The following RGL1 variants were observed in gnomAD, a reference collection of about 807,000 sequenced individuals.
The protein encoded by RGL1 is ral guanine nucleotide dissociation stimulator-like 1.
A neutral mutation model predicts 95.2 loss-of-function variants in RGL1; 24 were observed. That is an observed-to-expected ratio of 0.25 (90% CI 0.18 to 0.35). RGL1 has a LOEUF of 0.35. RGL1 is among the 10% of genes least tolerant of loss of function. The probability of loss-of-function intolerance (pLI) is 1.00; values close to 1 mark genes in which losing one functional copy is unlikely to be tolerated. For missense variants in RGL1, 715 were observed against 936.3 expected (o/e 0.76, Z 3.08); for synonymous variants, 329 against 344.9 (o/e 0.95, Z 0.51).
chr1:183,849,482 A>ATTTTTTTT (rs150367802), intron 3 of RGL1, among the ~76,000 whole-genome samples: 1 of 99,360 alleles, frequency 1.0e-5, no homozygotes, highest in African/African-American at 3.8e-5. Flanking sequence ...TCCAGTTTTT[A>ATTTTTTTT]GTTTTTTTTT....
At chr1:183,809,713 G>C (rs751048123) in intron 2 of RGL1, among the ~76,000 whole-genome samples, 1 of 152,142 alleles carries the variant, frequency 6.6e-6, no homozygotes, top group South Asian at 2.1e-4. Flanking sequence ...GAGAGGCCAA[G>C]GCAGGCTAAT....
At chr1:183,668,607 G>T (rs531948085) in intron 1 of RGL1, among the ~76,000 whole-genome samples, 19 of 152,086 alleles carry the variant, frequency 1.2e-4, no homozygotes, top group Admixed American at 9.2e-4. Flanking sequence ...ACCACACCTG[G>T]CTGCGATTTT....
In RGL1 at chr1:183,806,356, T is replaced by C; in HGVS notation, c.28-19T>C. 6.3e-7 allele frequency: 1 copy of C among 1,596,570 alleles called. No homozygotes were observed. Among genetic ancestry groups the C allele is most frequent in the South Asian group, 1.1e-5 (1 of 90,524 alleles). On this transcript the variant is annotated intron_variant, in intron 1 of 17. Transcript: ENST00000360851. ...GAAAAAAATACTCTTTTTCTTTCTC[T>C]TTATCCCGTCCCTGGCAGAGCTCGA...
intron 1 of RGL1, chr1:183,710,131 C>A: frequency 4.9e-6 from 1 of 204,534 alleles, no homozygotes; most frequent in Non-Finnish European, 1.0e-5. Context: ...TACATGGTCA[C>A]CCTTCTCAAT....
chr1:183,907,680 C>T (rs1668416313), intron 14 of RGL1, among the ~76,000 whole-genome samples: 1 of 152,130 alleles, frequency 6.6e-6, no homozygotes, highest in African/African-American at 2.4e-5. Flanking sequence ...GCTGTCCACC[C>T]CTCATTCTCA....
rs951817871 is a variant in RGL1 at position 183,811,965 on chromosome 1, A to G, written c.138+5480A>G. On this transcript the variant is annotated intron_variant, in intron 2 of 17. Coordinates refer to ENST00000360851, the MANE Select transcript of RGL1 (RefSeq NM_001297671.3). ...TTTACTCTTAGAAAGAAAATGAGAGAAATAAGGTAAATACTGTGCCTTTCC... is the reference window on the plus strand; with the variant it reads ...TTTACTCTTAGAAAGAAAATGAGAGGAATAAGGTAAATACTGTGCCTTTCC... 5.9e-5 allele frequency among the ~76,000 whole-genome samples: 9 copies of G among 152,190 alleles called. No homozygotes were observed. In the East Asian group the frequency reaches 9.6e-4, roughly 16 times the overall value.
At chr1:183,718,734 G>A (rs746773285) in intron 1 of RGL1, among the ~76,000 whole-genome samples, 3 of 151,792 alleles carry the variant, frequency 2.0e-5, no homozygotes, top group Non-Finnish European at 4.4e-5. Context: ...GACCAACATG[G>A]TGAAACCCCC....
At chr1:183,823,171 C>T (rs1662610201) in intron 2 of RGL1, among the ~76,000 whole-genome samples, 1 of 152,120 alleles carries the variant, frequency 6.6e-6, no homozygotes, top group Non-Finnish European at 1.5e-5. Flanking sequence ...TTGGCAGCTT[C>T]ATACAGTTCC....
At chr1:183,718,475 T>C (rs190130894) in intron 1 of RGL1, among the ~76,000 whole-genome samples, 1 of 152,258 alleles carries the variant, frequency 6.6e-6, no homozygotes, top group East Asian at 1.9e-4. Flanking sequence ...AAGTGGTAAA[T>C]AGTTTATTAA....
chr1:183,846,582 A>C (rs1664456480), intron 2 of RGL1, among the ~76,000 whole-genome samples: 1 of 152,092 alleles, frequency 6.6e-6, no homozygotes. Flanking sequence ...CAACAACAAC[A>C]AAAAAGAATG....
chr1:183,681,717 T>C (rs892539925), intron 1 of RGL1, among the ~76,000 whole-genome samples: 2 of 152,212 alleles, frequency 1.3e-5, no homozygotes, highest in Admixed American at 6.5e-5. Context: ...AGTTCCTCTC[T>C]TTCTATTGTT....
chr1:183,836,808 C>T (rs929767331), intron 2 of RGL1, among the ~76,000 whole-genome samples: 1 of 152,158 alleles, frequency 6.6e-6, no homozygotes, highest in Non-Finnish European at 1.5e-5. Context: ...CTACATCTTA[C>T]ATCTGAATTT....
intron 1 of RGL1, among the ~76,000 whole-genome samples, chr1:183,711,877 C>T (rs1655295349): frequency 1.3e-5 from 2 of 152,184 alleles, no homozygotes. Flanking sequence ...TATTACAAGA[C>T]TCTATCCACC....
chr1:183,893,131 A>G (rs1384915992), intron 9 of RGL1, among the ~76,000 whole-genome samples: 2 of 152,248 alleles, frequency 1.3e-5, no homozygotes, highest in Non-Finnish European at 2.9e-5. Flanking sequence ...AGTTCAGTAA[A>G]TATTGGTTGA....
At chr1:183,742,182 C>A in exon 2 of RGL1, 1 of 1,614,020 alleles carries the variant, frequency 6.2e-7, no homozygotes, top group Non-Finnish European at 8.5e-7. Flanking sequence ...TGTGGGAGAA[C>A]CTACTCAAGA....
intron 2 of RGL1, among the ~76,000 whole-genome samples, chr1:183,794,055 GACACACACACACACACAC>G (rs147087444): frequency 6.2e-5 from 9 of 145,916 alleles, no homozygotes; most frequent in East Asian, 2.0e-4. Flanking sequence ...AGAAAATGTG[GACACACACACACACACAC>G]ACACACACAC....
At chr1:183,740,918 A>C (rs1657257572) in intron 1 of RGL1, among the ~76,000 whole-genome samples, 1 of 152,216 alleles carries the variant, frequency 6.6e-6, no homozygotes, top group East Asian at 1.9e-4. Context: ...AGAAGGCGAA[A>C]ATAGAATTGA....
chr1:183,755,519 TA>T (rs939969780), intron 2 of RGL1, among the ~76,000 whole-genome samples: 10 of 151,476 alleles, frequency 6.6e-5, no homozygotes, highest in South Asian at 4.2e-4. Context: ...AGTACCTTTT[TA>T]AAAAAAAAGA....
At chr1:183,819,825 C>T (rs1239614771) in intron 2 of RGL1, among the ~76,000 whole-genome samples, 2 of 151,344 alleles carry the variant, frequency 1.3e-5, no homozygotes, top group Non-Finnish European at 2.9e-5. Flanking sequence ...TGTTCTGTCG[C>T]CCAGTCTGGA....
Sources: allele counts gnomAD v4.1 joint callset (sites outside exome capture counted in the v4.1 genomes callset), GRCh38; gene constraint gnomAD v4.1.1; transcripts MANE v1.5; gene names NCBI Gene and HGNC (gene_info 2026-07-23, HGNC 2026-07-21).